Variants in DENND11 observed in about 807,000 individuals in gnomAD.
The protein encoded by DENND11 is DENN domain-containing protein 11.
Under a neutral mutation model 49.2 loss-of-function variants are expected in DENND11, and 34 were observed. The ratio of observed to expected loss-of-function variants is 0.69; its 90% CI spans 0.53 to 0.92. The LOEUF is 0.92. Among genes scored for constraint, DENND11 ranks in the 40% least tolerant of loss-of-function variants. The pLI, the probability that DENND11 is intolerant of heterozygous loss-of-function variation, is 0.00. For missense variants in DENND11, 475 were observed against 581.6 expected, an observed-to-expected ratio of 0.82 and a Z score of 1.88; for synonymous variants, 238 against 230.3, an observed-to-expected ratio of 1.03 and a Z score of -0.30.
At chr7:141,696,998 G>T (rs1050391898) in intron 1 of DENND11, among the ~76,000 whole-genome samples, 1 of 152,194 alleles carries the variant, frequency 6.6e-6, no homozygotes, top group Non-Finnish European at 1.5e-5. Context: ...GCCAATCCAT[G>T]GCTGAATTCC....
intron 4 of DENND11, among the ~76,000 whole-genome samples, chr7:141,667,897 C>T (rs1038100512): frequency 2.0e-5 from 3 of 152,180 alleles, no homozygotes; most frequent in Non-Finnish European, 4.4e-5. Flanking sequence ...TCCTGTTTGC[C>T]ACCCACGCCT....
chr7:141,664,933 C>T lies in DENND11; in HGVS notation c.1074G>A (p.Arg358=), dbSNP rs1475510861. 6.2e-7 allele frequency: 1 copy of T among 1,613,124 alleles called. No individual in the cohort carries two copies. Among genetic ancestry groups the T allele is most frequent in the Non-Finnish European group, 8.5e-7 (1 of 1,179,548 alleles). The change falls in exon 7 of 9, where the codon AGG becomes AGA. Residue 358 remains arginine (R), a synonymous_variant. Transcript: ENST00000536163. ...GCTCGTTGAGCCGGCGGTACTTCTC[C>T]CTGTCAGCACTGTTGATCTTCAGCA... ...QPLLKINSAD[R]EKYRRLNEQR...
At chr7:141,701,355 G>C (rs1213493012) in intron 1 of DENND11, among the ~76,000 whole-genome samples, 1 of 147,624 alleles carries the variant, frequency 6.8e-6, no homozygotes. Flanking sequence ...GCGACGGGGA[G>C]CTAGGGCGAG....
chr7:141,677,487 ATGTG>A (rs777782993), intron 3 of DENND11, among the ~76,000 whole-genome samples: 23 of 137,736 alleles, frequency 1.7e-4, no homozygotes, highest in East Asian at 1.3e-3. Context: ...ATATATTTAT[ATGTG>A]TGTGTGTGTG....
chr7:141,668,855 C>A (rs1797934340), intron 4 of DENND11, among the ~76,000 whole-genome samples: 1 of 149,096 alleles, frequency 6.7e-6, no homozygotes, highest in Admixed American at 6.7e-5. Context: ...CTTTTTCCAG[C>A]CTTGTTTCTC....
intron 2 of DENND11, among the ~76,000 whole-genome samples, chr7:141,686,279 T>C (rs188896959): frequency 1.6e-4 from 24 of 152,320 alleles, no homozygotes; most frequent in Admixed American, 1.2e-3. Flanking sequence ...GCACTTTCAT[T>C]AAAACCAAAC....
At position 141,666,440 on chromosome 7, in the gene DENND11, G is replaced by T; in HGVS notation, c.682-15C>A. 6.4e-7 allele frequency: 1 copy of T among 1,565,894 alleles called. No homozygotes were observed. Among genetic ancestry groups the T allele is most frequent in the South Asian group, 1.2e-5 (1 of 84,722 alleles). ...GGGTGTGTGATCTGAAAAAATTGAGGGGAATAGGGAGGAGAAAGAGTGAGG... is the reference window on the plus strand; with the variant it reads ...GGGTGTGTGATCTGAAAAAATTGAGTGGAATAGGGAGGAGAAAGAGTGAGG... On this transcript the variant is annotated splice_polypyrimidine_tract_variant and intron_variant, in intron 4 of 8. Transcript: ENST00000536163.
At chr7:141,699,244 G>T (rs1798466570) in intron 1 of DENND11, among the ~76,000 whole-genome samples, 1 of 152,110 alleles carries the variant, frequency 6.6e-6, no homozygotes, top group Non-Finnish European at 1.5e-5. Context: ...GGGGGAAGAT[G>T]CTGGGCCAGT....
chr7:141,665,506 G>A (rs1797881069), intron 5 of DENND11, among the ~76,000 whole-genome samples, 188 bp from the exon 6 acceptor site: 1 of 152,166 alleles, frequency 6.6e-6, no homozygotes, highest in Admixed American at 6.5e-5. Context: ...ACCCCTCAAG[G>A]TGACGTCAAC....
chr7:141,664,045 C>T, intron 8 of DENND11, 127 bp downstream of exon 8: 2 of 756,546 alleles, frequency 2.6e-6, no homozygotes, highest in Non-Finnish European at 4.3e-6. Context: ...AGGAGCCCGG[C>T]TCTAAGTGCC....
chr7:141,695,259 C>A (rs1798395705), intron 1 of DENND11, among the ~76,000 whole-genome samples: 1 of 152,010 alleles, frequency 6.6e-6, no homozygotes, highest in Non-Finnish European at 1.5e-5. Flanking sequence ...TAAACGGGGA[C>A]TCTAAGTGAA....
chr7:141,700,278 T>C (rs778320463), intron 1 of DENND11, among the ~76,000 whole-genome samples: 7 of 152,146 alleles, frequency 4.6e-5, no homozygotes, highest in African/African-American at 9.7e-5. Context: ...GGGTACAGTA[T>C]AAGCAATATG....
In DENND11 at chr7:141,702,111, C is replaced by G. The variant is rs1798532303; in HGVS notation, c.43G>C (p.Glu15Gln). 1 of 983,978 alleles carries G rather than the reference C, an allele frequency of 1.0e-6. No individual in the cohort carries two copies. The highest frequency in any genetic ancestry group is 4.6e-5 in the South Asian group (1 of 21,844). The allele number at this position is 983,978 out of a possible 1,614,324, so 61.0% of individuals were successfully genotyped here. Residue 15 changes from glutamate to glutamine, a missense_variant, in exon 1 of 9, where the codon GAG (glutamate) becomes CAG (glutamine). Physicochemically the swap from Glu to Gln is conservative, Grantham distance 29. Coordinates refer to ENST00000536163, the MANE Select transcript of DENND11 (RefSeq NM_001080392.2). ...GDAAPLLRWA[E>Q]GPAVSLPQAP... The stretch of plus-strand genomic sequence containing the variant: ...TGCGGCAGGGAGACGGCGGGGCCCT[C>G]GGCCCAGCGCAGCAGCGGCGCCGCG...
intron 1 of DENND11, among the ~76,000 whole-genome samples, chr7:141,687,470 T>G (rs2117074533): frequency 6.6e-6 from 1 of 152,014 alleles, no homozygotes; most frequent in Non-Finnish European, 1.5e-5. Context: ...GCGATTTTTT[T>G]TTTTTTTTCT....
intron 4 of DENND11, among the ~76,000 whole-genome samples, chr7:141,673,472 TCC>T (rs1348939268): frequency 6.6e-6 from 1 of 152,172 alleles, no homozygotes; most frequent in East Asian, 1.9e-4. Context: ...CCCAGAGTTC[TCC>T]CTTGGACTCT....
Position 141,658,547 on chromosome 7 carries a change from C to T in DENND11, c.*4109G>A, listed in dbSNP as rs946907353. 3 of 152,208 alleles carry T rather than the reference C, an allele frequency of 2.0e-5. No homozygotes were observed. The highest frequency in any genetic ancestry group is 4.4e-5 in the Non-Finnish European group (3 of 68,052). 9.4% of individuals were successfully genotyped at this position (152,208 alleles called of 1,614,324 possible). Reference sequence around the variant, plus strand: ...TGGGATCTACTAGGGAGATAAAAGCCCATGCCTGGCATATTGGTCCCCATT... The same window carrying T: ...TGGGATCTACTAGGGAGATAAAAGCTCATGCCTGGCATATTGGTCCCCATT... On this transcript the variant is annotated 3_prime_UTR_variant, in exon 9 of 9. Coordinates refer to ENST00000536163, the MANE Select transcript of DENND11 (RefSeq NM_001080392.2).
intron 1 of DENND11, among the ~76,000 whole-genome samples, chr7:141,694,755 T>C (rs1055003005): frequency 1.5e-5 from 2 of 129,892 alleles, no homozygotes; most frequent in Non-Finnish European, 3.7e-5. Flanking sequence ...ATTTCAATCA[T>C]GAAAAACACA....
intron 3 of DENND11, among the ~76,000 whole-genome samples, chr7:141,682,901 A>T (rs934016126): frequency 1.3e-5 from 2 of 152,168 alleles, no homozygotes; most frequent in Non-Finnish European, 2.9e-5. Context: ...AAAGTGTCAA[A>T]ATCCCAATAA....
chr7:141,659,621 C>T lies in DENND11; in HGVS notation c.*3035G>A, dbSNP rs984905238. ...CTTATTCAGGAACAACAGGGCAGCC[C>T]AGCCAGCATCTCAGGTCAGCAATCA... On this transcript the variant is annotated 3_prime_UTR_variant, in exon 9 of 9. Coordinates refer to ENST00000536163, the MANE Select transcript of DENND11 (RefSeq NM_001080392.2). 6.6e-6 allele frequency: 1 copy of T among 152,402 alleles called. No homozygotes were observed. 9.4% of individuals were successfully genotyped at this position (152,402 alleles called of 1,614,324 possible).
Sources: allele counts gnomAD v4.1 joint callset (sites outside exome capture counted in the v4.1 genomes callset), GRCh38; gene constraint gnomAD v4.1.1; transcripts MANE v1.5; gene names NCBI Gene and HGNC (gene_info 2026-07-23, HGNC 2026-07-21).